ZMYND10: variants seen among roughly 807,000 people sequenced by gnomAD.
ZMYND10 encodes zinc finger MYND-type containing 10.
A neutral mutation model predicts 62.6 loss-of-function variants in ZMYND10; 52 were observed. That is an observed-to-expected ratio of 0.83 (90% CI 0.67 to 1.05). The LOEUF (loss-of-function observed/expected upper bound fraction) is 1.05. Among genes scored for constraint, ZMYND10 ranks in the 50% least tolerant of loss-of-function variants. ZMYND10 has a pLI of 0.00. For synonymous variants in ZMYND10, 197 were observed against 218.5 expected, an observed-to-expected ratio of 0.90 and a Z score of 0.87; for missense variants, 438 against 543.3, an observed-to-expected ratio of 0.81 and a Z score of 1.93.
In ZMYND10 at chr3:50,341,581, AAT is replaced by A. The variant is rs763024845; in HGVS notation, c.1238_1239del (p.Tyr413LeufsTer24). ...GTTCTAGGATACCCTCACCTGCAGC[AAT>A]ACCACTCATTCTGGCATCGTGAGCA... Reference protein sequence around the residue: ...KRCSRCQNEWYCCRECQVKHW... With the variant: ...KRCSRCQNEWXCCRECQVKHW... On this transcript the variant is annotated frameshift_variant, in exon 11 of 12. Coordinates refer to ENST00000231749, the MANE Select transcript of ZMYND10 (RefSeq NM_015896.4). LOFTEE classifies it high-confidence loss of function. 6.2e-7 allele frequency: 1 copy of A among 1,614,236 alleles called. No homozygotes were observed. Among genetic ancestry groups the A allele is most frequent in the East Asian group, 2.2e-5 (1 of 44,892 alleles).
At position 50,341,207 on chromosome 3, in the gene ZMYND10, TA is replaced by T. The variant is rs1326529436; in HGVS notation, c.*202del. ...GTTTGCTGAAGCAACACACTTGGCC[TA>T]CCCACTGGGTGGGGCAGGAAGTCTC... On this transcript the variant is annotated 3_prime_UTR_variant, in exon 12 of 12. Transcript: ENST00000231749. 5.8e-6 allele frequency: 4 copies of T among 684,052 alleles called. No individual in the cohort carries two copies. Among genetic ancestry groups the T allele is most frequent in the Non-Finnish European group, 9.7e-6 (4 of 410,284 alleles). 42.4% of individuals were successfully genotyped at this position (684,052 alleles called of 1,614,324 possible).
Position 50,342,000 on chromosome 3 carries a change from CT to C in ZMYND10, c.999+14del. 4 of 1,614,254 alleles carry C rather than the reference CT, an allele frequency of 2.5e-6. No homozygotes were observed. Among genetic ancestry groups the C allele is most frequent in the Non-Finnish European group, 3.4e-6 (4 of 1,180,046 alleles). On this transcript the variant is annotated intron_variant, in intron 9 of 11. Transcript: ENST00000231749. ...TGGGACAGTGGTCCTGAGCAGCTAA[CT>C]TTCCAGTGCCTACCTGTTCCAACAC...
Position 50,341,363 on chromosome 3 carries a change from G to C in ZMYND10, c.*47C>G. The C allele has an allele frequency of 6.2e-7, 1 of 1,608,432 alleles. No individual in the cohort carries two copies. Among genetic ancestry groups the C allele is most frequent in the Non-Finnish European group, 8.5e-7 (1 of 1,176,994 alleles). The stretch of plus-strand genomic sequence containing the variant: ...TCTTGAGGTTCAGGGGTGCATTCTG[G>C]GTGGATTCCCTTGGCATGGGTGGTC... On this transcript the variant is annotated 3_prime_UTR_variant, in exon 12 of 12. Transcript: ENST00000231749.
chr3:50,343,866 T>A lies in ZMYND10; in HGVS notation c.202-16A>T, dbSNP rs901861503. 4.0e-5 allele frequency: 65 copies of A among 1,612,424 alleles called. No homozygotes were observed. The highest frequency in any genetic ancestry group is 5.4e-5 in the Non-Finnish European group (64 of 1,178,970). On this transcript the variant is annotated splice_polypyrimidine_tract_variant and intron_variant, in intron 2 of 11. Transcript: ENST00000231749. ...GTGTTGGGACCTTTGAAGGGTAGGG[T>A]AAAGGACAGGGATGAGATGGGCCTA...
Position 50,343,206 on chromosome 3 carries a change from C to G in ZMYND10, c.511G>C (p.Glu171Gln). The G allele has an allele frequency of 1.2e-6, 2 of 1,614,206 alleles. No individual in the cohort carries two copies. The highest frequency in any genetic ancestry group is 1.7e-6 in the Non-Finnish European group (2 of 1,180,024). The change falls in exon 6 of 12, where the codon GAG (glutamate) becomes CAG (glutamine). Residue 171 changes from glutamate to glutamine, a missense_variant and splice_region_variant. Coordinates refer to ENST00000231749, the MANE Select transcript of ZMYND10 (RefSeq NM_015896.4). ...ATCAGCTCTGCCTGCTTCTGCAGCT[C>G]CTGGGAGGTCACACAGTGTTCACGC... ...EGSQDSNPMQ[E>Q]LQKQAELMEF...
intron 2 of ZMYND10, among the ~76,000 whole-genome samples, chr3:50,344,360 C>T (rs1201584219): frequency 6.7e-6 from 1 of 150,064 alleles, no homozygotes; most frequent in Admixed American, 6.6e-5. Context: ...CTCTTGTCAC[C>T]CAGGCTGGAG....
In ZMYND10 at chr3:50,342,134, C is replaced by T. The variant is rs773628732; in HGVS notation, c.880G>A (p.Ala294Thr). 1.9e-6 allele frequency: 3 copies of T among 1,609,992 alleles called. No homozygotes were observed. The South Asian group carries it at 3.3e-5, about 18-fold the overall frequency. ...TCCAGCAGTGTGTCTGTGAGGAAGG[C>T]CCGAAGCTGCAAGGGTGTCCAGTGG... ...FAKGRLLKLR[A>T]FLTDTLLDQL... The change falls in exon 9 of 12, where the codon GCC (alanine) becomes ACC (threonine). Residue 294 changes from alanine to threonine, a missense_variant. Physicochemically the swap from Ala to Thr is moderately conservative, Grantham distance 58 (BLOSUM62 0). Coordinates refer to ENST00000231749, the MANE Select transcript of ZMYND10 (RefSeq NM_015896.4).
Position 50,345,130 on chromosome 3 carries a change from A to G in ZMYND10, c.195T>C (p.His65=), listed in dbSNP as rs765025165. Residue 65 remains histidine, a synonymous_variant, in exon 2 of 12, where the codon CAT becomes CAC. Coordinates refer to ENST00000231749, the MANE Select transcript of ZMYND10 (RefSeq NM_015896.4). This position sits in a 1 kb window ranked among gnomAD's most constrained non-coding sequence, Gnocchi z 5.0. ...GEPIQELLVT[H]GKVPTLVEEL... Reference sequence around the variant, plus strand: ...GCCTGTGACCTCGGGGTACCTTCCCATGGGTGACCAGCAGCTCCTGAATGG... The same window carrying G: ...GCCTGTGACCTCGGGGTACCTTCCCGTGGGTGACCAGCAGCTCCTGAATGG... The G allele has an allele frequency of 1.2e-6, 2 of 1,613,698 alleles. No individual in the cohort carries two copies. Among genetic ancestry groups the G allele is most frequent in the Non-Finnish European group, 1.7e-6 (2 of 1,179,866 alleles).
In ZMYND10 at chr3:50,341,267, G is replaced by A. The variant is rs114162107; in HGVS notation, c.*143C>T. On this transcript the variant is annotated 3_prime_UTR_variant, in exon 12 of 12. Coordinates refer to ENST00000231749, the MANE Select transcript of ZMYND10 (RefSeq NM_015896.4). ...ACTTGGGGTGAGGAGGAGGGAGATCGGTCAGCAGCTTTACCGCCCGCTCTG... is the reference window on the plus strand; with the variant it reads ...ACTTGGGGTGAGGAGGAGGGAGATCAGTCAGCAGCTTTACCGCCCGCTCTG... The A allele has an allele frequency of 6.3e-4, 630 of 994,330 alleles. 3 individuals are homozygous for A. In the African/African-American group the frequency reaches 9.1e-3, roughly 14 times the overall value. The allele number at this position is 994,330 out of a possible 1,614,324, so 61.6% of individuals were successfully genotyped here. A position where few individuals can be genotyped will look rare whatever the true frequency, so the allele number is the denominator to read the frequency against.
intron 10 of ZMYND10, 37 bp from the exon 11 acceptor site, chr3:50,341,736 A>G: frequency 1.2e-6 from 2 of 1,612,712 alleles, no homozygotes; most frequent in Non-Finnish European, 1.7e-6. Flanking sequence ...TGGCCCTGGA[A>G]GGTGGGGGCA....
chr3:50,343,690 C>T, intron 3 of ZMYND10, 44 bp downstream of exon 3: 4 of 1,613,866 alleles, frequency 2.5e-6, no homozygotes, highest in Non-Finnish European at 3.4e-6. Context: ...GTCCAGAGCC[C>T]TCTGAAGGAG....
In ZMYND10 at chr3:50,341,249, G is replaced by A; in HGVS notation, c.*161C>T. 1.2e-6 allele frequency: 1 copy of A among 863,798 alleles called. No individual in the cohort carries two copies. Among genetic ancestry groups the A allele is most frequent in the Non-Finnish European group, 1.8e-6 (1 of 562,434 alleles). The allele number at this position is 863,798 out of a possible 1,614,324, so 53.5% of individuals were successfully genotyped here. On this transcript the variant is annotated 3_prime_UTR_variant, in exon 12 of 12. Coordinates refer to ENST00000231749, the MANE Select transcript of ZMYND10 (RefSeq NM_015896.4). ...AGGAAGTCTCGAGCCTTCACTTGGG[G>A]TGAGGAGGAGGGAGATCGGTCAGCA... is the stretch of plus-strand genomic sequence containing the variant.
At position 50,342,379 on chromosome 3, in the gene ZMYND10, G is replaced by C. The variant is rs1575553768; in HGVS notation, c.873+18C>G. 1 of 1,561,114 alleles carries C rather than the reference G, an allele frequency of 6.4e-7. No individual in the cohort carries two copies. The stretch of plus-strand genomic sequence containing the variant: ...GGCGGTACTGGGGCTGTGGGGGCTG[G>C]TGCGGAGGGAGTCTGACCTTGAGTA... On this transcript the variant is annotated intron_variant, in intron 8 of 11. Transcript: ENST00000231749.
In ZMYND10 at chr3:50,343,033, G is replaced by C. The variant is rs774249609; in HGVS notation, c.600-15C>G. On this transcript the variant is annotated splice_polypyrimidine_tract_variant and intron_variant, in intron 6 of 11. Coordinates refer to ENST00000231749, the MANE Select transcript of ZMYND10 (RefSeq NM_015896.4). ...TGAGAGAGAGGCTAGGGGCAGGGAC[G>C]TTGTGAAGGAGGTGAGTAGAGGCAG... 4.3e-6 allele frequency: 7 copies of C among 1,613,996 alleles called. No individual in the cohort carries two copies. The highest frequency in any genetic ancestry group is 5.1e-6 in the Non-Finnish European group (6 of 1,179,900).
Position 50,345,657 on chromosome 3 carries a change from A to AAATG in ZMYND10, c.-79_-78insCATT. 1 of 1,542,314 alleles carries AAATG rather than the reference A, an allele frequency of 6.5e-7. No homozygotes were observed. The highest frequency in any genetic ancestry group is 1.2e-5 in the South Asian group (1 of 83,200). On this transcript the variant is annotated 5_prime_UTR_variant, in exon 1 of 12. It removes the in-frame stop codon of an upstream open reading frame in the 5' UTR. Transcript: ENST00000231749. The surrounding 1 kb of genome is among the most constrained non-coding windows in gnomAD (Gnocchi z 5.0). ...TCACATTCGGGGACGACGGACCCCG[A>AAATG]CGGTGCCAAAGTCTGGGACAGGACA...
In ZMYND10 at chr3:50,341,864, T is replaced by C; in HGVS notation, c.1067A>G (p.Gln356Arg). Reference protein sequence around the residue: ...RGKWQAIAKHQLQHVFSPSEQ... With the variant: ...RGKWQAIAKHRLQHVFSPSEQ... ...TGAGGGGCTGAACACATGCTGGAGC[T>C]GGTGCTTGGCAATTGCCTGCCACTT... The change falls in exon 10 of 12, where the codon CAG (glutamine) becomes CGG (arginine). Residue 356 changes from glutamine to arginine, a missense_variant. Physicochemically the swap from Gln to Arg is conservative, Grantham distance 43. Transcript: ENST00000231749. 1 of 1,614,148 alleles carries C rather than the reference T, an allele frequency of 6.2e-7. No homozygotes were observed. Among genetic ancestry groups the C allele is most frequent in the South Asian group, 1.1e-5 (1 of 91,086 alleles).
At position 50,345,119 on chromosome 3, in the gene ZMYND10, G is replaced by A. The variant is rs1703504798; in HGVS notation, c.201+5C>T. 4 of 1,613,044 alleles carry A rather than the reference G, an allele frequency of 2.5e-6. No individual in the cohort carries two copies. Among genetic ancestry groups the A allele is most frequent in the South Asian group, 1.1e-5 (1 of 90,738 alleles). Reference sequence around the variant, plus strand: ...GCAGGAACCCTGCCTGTGACCTCGGGGTACCTTCCCATGGGTGACCAGCAG... The same window carrying A: ...GCAGGAACCCTGCCTGTGACCTCGGAGTACCTTCCCATGGGTGACCAGCAG... On this transcript the variant is annotated splice_donor_5th_base_variant and intron_variant, in intron 2 of 11. Transcript: ENST00000231749. This position sits in a 1 kb window ranked among gnomAD's most constrained non-coding sequence, Gnocchi z 5.0.
chr3:50,341,510 T>C, intron 11 of ZMYND10, 25 bp from the exon 12 acceptor site: 1 of 1,614,220 alleles, frequency 6.2e-7, no homozygotes, highest in Non-Finnish European at 8.5e-7. Flanking sequence ...GTATTGAGGA[T>C]GGCAATGCAT....
rs1291336186 is a variant in ZMYND10, at chr3:50,345,559, C to G, written c.21G>C (p.Leu7=). ...CCAGCACTTCAGCTTCCCCGGGCAG[C>G]AGCAGTTCCAGGTCTCCCATATCGA... MGDLEL[L]LPGEAEVLVR... Residue 7 remains leucine, a synonymous_variant, in exon 1 of 12, where the codon CTG becomes CTC. Transcript: ENST00000231749. This position sits in a 1 kb window ranked among gnomAD's most constrained non-coding sequence, Gnocchi z 5.0. 4 of 1,605,040 alleles carry G rather than the reference C, an allele frequency of 2.5e-6. No individual in the cohort carries two copies. The highest frequency in any genetic ancestry group is 3.4e-6 in the Non-Finnish European group (4 of 1,176,354).
Sources: allele counts gnomAD v4.1 joint callset (sites outside exome capture counted in the v4.1 genomes callset), GRCh38; gene constraint gnomAD v4.1.1; non-coding constraint Gnocchi (gnomAD v3.1); transcripts MANE v1.5; gene names NCBI Gene and HGNC (gene_info 2026-07-23, HGNC 2026-07-21).